The following NRXN3 variants were observed in gnomAD, a reference collection of about 807,000 sequenced individuals.
The protein encoded by NRXN3 is neurexin 3, also known as neurexin III.
Under a neutral mutation model 137.6 loss-of-function variants are expected in NRXN3, and 32 were observed. That is an observed-to-expected ratio of 0.23 (90% confidence interval 0.18 to 0.31). The LOEUF is 0.31. NRXN3 is among the 10% of genes least tolerant of loss of function. The pLI is 1.00. For synonymous variants in NRXN3, 798 were observed against 784.5 expected (o/e 1.02, Z -0.29); for missense variants, 1,574 against 2,062.5 (o/e 0.76, Z 4.59).
At chr14:79,026,276 G>C (rs1360897325) in intron 15 of NRXN3, among the ~76,000 whole-genome samples, 3 of 152,124 alleles carry the variant, frequency 2.0e-5, no homozygotes, top group East Asian at 1.9e-4. Context: ...AGATTCAATT[G>C]TTACTGAATA....
Position 79,132,296 on chromosome 14 carries a change from A to T in NRXN3, c.3262+144155A>T, listed in dbSNP as rs151155327. Among the ~76,000 whole-genome samples, 370 of 152,354 alleles carry T rather than the reference A, an allele frequency of 2.4e-3. 2 individuals are homozygous for T. The highest frequency in any genetic ancestry group is 8.1e-3 in the African/African-American group (336 of 41,596). On this transcript the variant is annotated intron_variant, in intron 15 of 20. Transcript: ENST00000335750. ...ACTCGGATATATGAATTACTTTTTCAGTTGTAAGTTTTGTGAAATGTATAT... is the reference window on the plus strand; with the variant it reads ...ACTCGGATATATGAATTACTTTTTCTGTTGTAAGTTTTGTGAAATGTATAT...
intron 10 of NRXN3, among the ~76,000 whole-genome samples, chr14:78,874,785 T>A (rs552848583): frequency 6.6e-6 from 1 of 152,302 alleles, no homozygotes. Flanking sequence ...GGGTTCTGAA[T>A]CAGGAGCCTG....
intron 20 of NRXN3, among the ~76,000 whole-genome samples, chr14:79,846,593 G>A (rs2099374094): frequency 6.6e-6 from 1 of 152,160 alleles, no homozygotes; most frequent in South Asian, 2.1e-4. Context: ...TTTAGATCTG[G>A]AAGGACTTTA....
chr14:78,554,655 A>G (rs975767200), intron 4 of NRXN3, among the ~76,000 whole-genome samples: 2 of 152,134 alleles, frequency 1.3e-5, no homozygotes, highest in Non-Finnish European at 2.9e-5. Context: ...CTAGTCTGTG[A>G]TTCCAAATCT....
intron 4 of NRXN3, among the ~76,000 whole-genome samples, chr14:78,389,599 T>G (rs1216214296): frequency 2.0e-5 from 3 of 152,206 alleles, no homozygotes. Flanking sequence ...ATTTAAGTTT[T>G]CCTCTTATTA....
chr14:78,918,436 G>C (rs147041428), intron 10 of NRXN3, among the ~76,000 whole-genome samples: 174 of 152,134 alleles, frequency 1.1e-3, no homozygotes, highest in African/African-American at 4.1e-3. Context: ...ACAGAACAGA[G>C]ACCTTGGGCA....
At chr14:79,778,828 T>G (rs542275687) in intron 19 of NRXN3, among the ~76,000 whole-genome samples, 1 of 152,334 alleles carries the variant, frequency 6.6e-6, no homozygotes, top group Non-Finnish European at 1.5e-5. Context: ...TGTTCAGGGT[T>G]TAAAGCTTCT....
At chr14:79,336,234 C>G (rs2092249830) in intron 15 of NRXN3, among the ~76,000 whole-genome samples, 1 of 152,080 alleles carries the variant, frequency 6.6e-6, no homozygotes. Context: ...ATTATTTCCC[C>G]CCATTCTTAC....
chr14:79,517,263 C>A (rs1399580121), intron 16 of NRXN3, among the ~76,000 whole-genome samples: 3 of 152,044 alleles, frequency 2.0e-5, no homozygotes, highest in Admixed American at 6.6e-5. Context: ...TGTTTAGGAA[C>A]TTTTTAGAAA....
At chr14:79,845,235 C>CA (rs1449748327) in intron 20 of NRXN3, among the ~76,000 whole-genome samples, 1 of 152,174 alleles carries the variant, frequency 6.6e-6, no homozygotes, top group Non-Finnish European at 1.5e-5. Context: ...TCCATATCAG[C>CA]AATAAGGCTG....
chr14:79,008,949 G>C (rs764518340), intron 15 of NRXN3, among the ~76,000 whole-genome samples: 1 of 152,122 alleles, frequency 6.6e-6, no homozygotes, highest in East Asian at 1.9e-4. Flanking sequence ...GAGCCACCAC[G>C]CCTGGCCTGA....
chr14:79,504,676 A>T (rs866195118), intron 16 of NRXN3, among the ~76,000 whole-genome samples: 124 of 99,346 alleles, frequency 1.2e-3, no homozygotes, highest in African/African-American at 3.8e-3. Context: ...TATATATATA[A>T]AACATTACAC....
chr14:78,237,403 G>C (rs1208236129), intron 1 of NRXN3, among the ~76,000 whole-genome samples: 9 of 152,174 alleles, frequency 5.9e-5, no homozygotes, highest in Admixed American at 3.3e-4. Context: ...CTAGAAATCT[G>C]TTTGTATCTA....
chr14:78,327,596 A>G (rs1452819224), intron 4 of NRXN3, among the ~76,000 whole-genome samples: 4 of 152,188 alleles, frequency 2.6e-5, no homozygotes, highest in Non-Finnish European at 5.9e-5. Context: ...TGGCAGACGC[A>G]TTGACTGATT....
chr14:78,625,213 C>T (rs896053023), intron 4 of NRXN3, among the ~76,000 whole-genome samples: 1 of 152,140 alleles, frequency 6.6e-6, no homozygotes, highest in Non-Finnish European at 1.5e-5. Flanking sequence ...ATGAAGAATA[C>T]ATTTTTTTAA....
intron 10 of NRXN3, among the ~76,000 whole-genome samples, chr14:78,934,614 C>T (rs1369231850): frequency 6.6e-6 from 1 of 152,110 alleles, no homozygotes; most frequent in Non-Finnish European, 1.5e-5. Context: ...TACCCAAGGG[C>T]ACCATTTAAG....
chr14:78,273,319 A>G (rs188188599), intron 2 of NRXN3, among the ~76,000 whole-genome samples: 1 of 152,340 alleles, frequency 6.6e-6, no homozygotes, highest in East Asian at 1.9e-4. Flanking sequence ...GTGTGGTAAT[A>G]GTTCCTACCT....
chr14:79,093,406 C>T (rs2049590283), intron 15 of NRXN3, among the ~76,000 whole-genome samples: 2 of 152,208 alleles, frequency 1.3e-5, no homozygotes, highest in African/African-American at 4.8e-5. Context: ...TGGGAAACAA[C>T]TGAGAAATTT....
chr14:79,111,106 A>G lies in NRXN3; in HGVS notation c.3262+122965A>G, dbSNP rs555744966. ...TGCCTAGCCAGAAATTATTTTTTAAAAAGTTTTTTGGGAAATTGAGAATGG... is the reference window on the plus strand; with the variant it reads ...TGCCTAGCCAGAAATTATTTTTTAAGAAGTTTTTTGGGAAATTGAGAATGG... On this transcript the variant is annotated intron_variant, in intron 15 of 20. Transcript: ENST00000335750. Among the ~76,000 whole-genome samples the G allele has an allele frequency of 9.5e-4, 144 of 152,208 alleles. 1 individual carries two copies. In the South Asian group the frequency reaches 0.029, roughly 31 times the overall value.
Sources: gnomAD v4.1 joint callset for allele counts (sites outside exome capture counted in the v4.1 genomes callset) on GRCh38, gnomAD v4.1.1 for gene constraint, MANE v1.5 for transcripts, NCBI Gene and HGNC (gene_info 2026-07-23, HGNC 2026-07-21) for gene names.